The following EGFLAM variants were observed in gnomAD, a reference collection of about 807,000 sequenced individuals.
EGFLAM encodes the protein EGF like, fibronectin type III and laminin G domains.
Under a neutral mutation model 113.1 loss-of-function variants are expected in EGFLAM, and 79 were observed. The ratio of observed to expected loss-of-function variants is 0.70; its 90% CI spans 0.58 to 0.84. The LOEUF (loss-of-function observed/expected upper bound fraction) is 0.84, where lower values mean the gene tolerates loss of function less well. Among genes scored for constraint, EGFLAM ranks in the 40% least tolerant of loss-of-function variants. The pLI, the probability that EGFLAM is intolerant of heterozygous loss-of-function variation, is 0.00. For synonymous variants in EGFLAM, 504 were observed against 487.6 expected, an observed-to-expected ratio of 1.03 and a Z score of -0.44; for missense variants, 1,265 against 1,291.6, an observed-to-expected ratio of 0.98 and a Z score of 0.32.
intron 1 of EGFLAM, among the ~76,000 whole-genome samples, chr5:38,299,929 C>T (rs374388279): frequency 6.6e-6 from 1 of 152,132 alleles, no homozygotes. Context: ...CAAAAACAGA[C>T]TCTGTTTTCT....
At chr5:38,329,408 T>A (rs2589829) in intron 1 of EGFLAM, among the ~76,000 whole-genome samples, 2 of 151,940 alleles carry the variant, frequency 1.3e-5, no homozygotes, top group Non-Finnish European at 2.9e-5. Context: ...CTGATGCATC[T>A]GGAATATTTT....
rs145563460 is a variant in EGFLAM at position 38,425,026 on chromosome 5, G to A, written c.1744G>A (p.Ala582Thr). 7 of 1,613,946 alleles carry A rather than the reference G, an allele frequency of 4.3e-6. No individual in the cohort carries two copies. The Admixed American group carries it at 5.0e-5, about 12-fold the overall frequency. ...ASCIHGGTCT[A>T]IKADSYICLC... The stretch of plus-strand genomic sequence containing the variant: ...GTGCATCCATGGTGGCACCTGCACA[G>A]CAATCAAAGCCGACTCCTACATTTG... Residue 582 changes from alanine to threonine, a missense_variant, in exon 13 of 22, where the codon GCA becomes ACA. Transcript: ENST00000322350.
chr5:38,329,578 G>T (rs1738987462), intron 1 of EGFLAM, among the ~76,000 whole-genome samples: 1 of 152,004 alleles, frequency 6.6e-6, no homozygotes, highest in Non-Finnish European at 1.5e-5. Flanking sequence ...GGAGTCACCT[G>T]ATTTCCACTT....
chr5:38,446,132 C>G (rs981910287), intron 17 of EGFLAM, among the ~76,000 whole-genome samples: 8 of 151,874 alleles, frequency 5.3e-5, no homozygotes, highest in African/African-American at 1.7e-4. Flanking sequence ...CAGCTTGGAT[C>G]TTCTCTCCTC....
intron 20 of EGFLAM, among the ~76,000 whole-genome samples, chr5:38,460,187 G>A (rs1743225017): frequency 6.6e-6 from 1 of 152,192 alleles, no homozygotes; most frequent in African/African-American, 2.4e-5. Context: ...GGGAACATCA[G>A]GGAACAACAC....
At chr5:38,400,289 T>A (rs1741074475) in intron 6 of EGFLAM, among the ~76,000 whole-genome samples, 4 of 152,234 alleles carry the variant, frequency 2.6e-5, no homozygotes, top group Admixed American at 2.6e-4. Context: ...GGTTTTTTTA[T>A]AAAATAAAAG....
intron 1 of EGFLAM, among the ~76,000 whole-genome samples, chr5:38,292,453 A>C (rs1300417453): frequency 6.6e-6 from 1 of 152,224 alleles, no homozygotes; most frequent in Non-Finnish European, 1.5e-5. Context: ...GTCTCTTGCA[A>C]GTACAGGTAA....
intron 20 of EGFLAM, chr5:38,462,700 C>T: frequency 3.8e-6 from 2 of 528,304 alleles, no homozygotes; most frequent in Non-Finnish European, 6.8e-6. Context: ...TTGTCATTCA[C>T]AGTTTGACTT....
intron 6 of EGFLAM, among the ~76,000 whole-genome samples, chr5:38,388,587 A>T (rs182972979): frequency 1.3e-4 from 20 of 150,828 alleles, no homozygotes; most frequent in East Asian, 3.9e-4. Context: ...CTACTAAAAA[A>T]ATATATATAT....
intron 1 of EGFLAM, among the ~76,000 whole-genome samples, chr5:38,296,005 C>T (rs531767379): frequency 9.2e-5 from 14 of 152,170 alleles, no homozygotes; most frequent in East Asian, 5.8e-4. Context: ...GGGTGGGGGA[C>T]GGGTTGCCAT....
intron 1 of EGFLAM, among the ~76,000 whole-genome samples, chr5:38,332,846 C>T (rs946052189): frequency 3.0e-4 from 46 of 152,110 alleles, no homozygotes; most frequent in African/African-American, 9.9e-4. Flanking sequence ...GCCCTCATTC[C>T]GGTAAACCCA....
chr5:38,261,125 CA>C (rs1288653586), intron 1 of EGFLAM, among the ~76,000 whole-genome samples: 1 of 152,158 alleles, frequency 6.6e-6, no homozygotes, highest in Non-Finnish European at 1.5e-5. Context: ...GTCTTGGATT[CA>C]AAATCAACCT....
chr5:38,324,607 G>A (rs1315823829), intron 1 of EGFLAM, among the ~76,000 whole-genome samples: 2 of 152,130 alleles, frequency 1.3e-5, no homozygotes, highest in Non-Finnish European at 2.9e-5. Context: ...AGGTTTTAGA[G>A]GTTCCAATCC....
intron 18 of EGFLAM, among the ~76,000 whole-genome samples, chr5:38,449,386 G>C (rs1436355085): frequency 2.0e-5 from 3 of 152,190 alleles, no homozygotes; most frequent in African/African-American, 7.2e-5. Flanking sequence ...ATCCCAGGTT[G>C]TATTAATCTA....
At chr5:38,264,331 G>C (rs1310866840) in intron 1 of EGFLAM, among the ~76,000 whole-genome samples, 1 of 152,164 alleles carries the variant, frequency 6.6e-6, no homozygotes, top group Non-Finnish European at 1.5e-5. Context: ...GCACGATGCA[G>C]CTCTCTCATC....
chr5:38,347,018 C>T (rs746136276), intron 3 of EGFLAM, among the ~76,000 whole-genome samples: 4 of 152,026 alleles, frequency 2.6e-5, no homozygotes, highest in Admixed American at 6.5e-5. Flanking sequence ...TCAAAGGGGC[C>T]GTAACTTGGG....
At position 38,352,377 on chromosome 5, in the gene EGFLAM, G is replaced by A. The variant is rs112396230; in HGVS notation, c.545+46G>A. Reference sequence around the variant, plus strand: ...CAAAAGCCAAATGTGTGCTGGGCGCGGTGGCTCACACCTGTAATCCCAGCA... The same window carrying A: ...CAAAAGCCAAATGTGTGCTGGGCGCAGTGGCTCACACCTGTAATCCCAGCA... On this transcript the variant is annotated intron_variant, in intron 5 of 21. Transcript: ENST00000322350. The A allele has an allele frequency of 1.5e-5, 24 of 1,604,700 alleles. No individual in the cohort carries two copies. In the East Asian group the frequency reaches 1.6e-4, roughly 11 times the overall value.
chr5:38,363,352 A>G (rs1016073176), intron 5 of EGFLAM, among the ~76,000 whole-genome samples: 1 of 152,150 alleles, frequency 6.6e-6, no homozygotes, highest in Non-Finnish European at 1.5e-5. Flanking sequence ...GGTTTCCTGG[A>G]TAGAATTCAG....
At chr5:38,365,072 T>A (rs1740023997) in intron 5 of EGFLAM, among the ~76,000 whole-genome samples, 1 of 152,176 alleles carries the variant, frequency 6.6e-6, no homozygotes, top group African/African-American at 2.4e-5. Context: ...AGAGGACAGT[T>A]GGCTGCTCCA....
Sources: gnomAD v4.1 joint callset for allele counts (sites outside exome capture counted in the v4.1 genomes callset) on GRCh38, gnomAD v4.1.1 for gene constraint, MANE v1.5 for transcripts, NCBI Gene and HGNC (gene_info 2026-07-23, HGNC 2026-07-21) for gene names.